Variants in GALNT13 observed in about 807,000 individuals in gnomAD.
GALNT13 encodes the protein UDP-GalNAc:polypeptide N-acetylgalactosaminyltransferase 13.
In GALNT13, 28 loss-of-function variants were observed where a neutral mutation model predicts 64.2. The observed-to-expected ratio is 0.44, with a 90% CI of 0.32 to 0.60. GALNT13 has a LOEUF of 0.60. Ranked by LOEUF, GALNT13 falls within the 20% of genes least tolerant of loss-of-function variation. GALNT13 has a pLI of 0.05. For synonymous variants in GALNT13, 214 were observed against 224.6 expected (o/e 0.95, Z 0.42); for missense variants, 577 against 669.8 (o/e 0.86, Z 1.53).
At chr2:154,231,091 C>G (rs1460899869) in intron 4 of GALNT13, among the ~76,000 whole-genome samples, 1 of 152,058 alleles carries the variant, frequency 6.6e-6, no homozygotes, top group Non-Finnish European at 1.5e-5. Context: ...AGCTTCACAT[C>G]ATTTGACTTG....
the GALNT13 span, among the ~76,000 whole-genome samples, chr2:153,793,009 T>C: frequency 1.3e-5 from 2 of 150,080 alleles, no homozygotes; most frequent in East Asian, 3.9e-4. Context: ...TCTCACTCTG[T>C]TGCCCAGGCT....
chr2:154,243,577 AAAT>A lies in GALNT13; in HGVS notation c.686+675_686+677del, dbSNP rs553827017. 2.1e-4 allele frequency among the ~76,000 whole-genome samples: 32 copies of A among 152,352 alleles called. No homozygotes were observed. In the East Asian group the frequency reaches 6.2e-3, roughly 29 times the overall value. ...CATTTTGAAATCTGGAAAATTGAAT[AAAT>A]AACACTTATAGAAATTAAGAATCCT... On this transcript the variant is annotated intron_variant, in intron 6 of 12. Coordinates refer to ENST00000392825, the MANE Select transcript of GALNT13 (RefSeq NM_052917.4).
rs775889873 is a variant in GALNT13 at position 154,225,856 on chromosome 2, GCTGT to G, written c.312-16167_312-16164del. 2.0e-5 allele frequency among the ~76,000 whole-genome samples: 3 copies of G among 152,122 alleles called. No individual in the cohort carries two copies. In the South Asian group the frequency reaches 6.2e-4, roughly 32 times the overall value. On this transcript the variant is annotated intron_variant, in intron 4 of 12. Coordinates refer to ENST00000392825, the MANE Select transcript of GALNT13 (RefSeq NM_052917.4). ...CACTGAGTGGGGAAACACAACAAAG[GCTGT>G]CTGTCTAGATTTTTACCTCTCTGTG... is the stretch of plus-strand genomic sequence containing the variant.
the GALNT13 span, among the ~76,000 whole-genome samples, chr2:153,400,128 G>T: frequency 6.6e-6 from 1 of 151,952 alleles, no homozygotes; most frequent in Non-Finnish European, 1.5e-5. Context: ...AGAGTTTTTA[G>T]CATGAATGGT....
At chr2:153,679,737 C>G in the GALNT13 span, among the ~76,000 whole-genome samples, 1 of 151,754 alleles carries the variant, frequency 6.6e-6, no homozygotes, top group Non-Finnish European at 1.5e-5. Context: ...TAATTTAGAC[C>G]TCAACAAATT....
At chr2:154,154,738 T>C (rs1684297336) in intron 4 of GALNT13, among the ~76,000 whole-genome samples, 1 of 152,160 alleles carries the variant, frequency 6.6e-6, no homozygotes, top group South Asian at 2.1e-4. Flanking sequence ...TTCAACTTTA[T>C]TTGTATGTGT....
At chr2:153,069,234 C>T in the GALNT13 span, among the ~76,000 whole-genome samples, 1,001 of 152,260 alleles carry the variant, frequency 6.6e-3, 6 homozygotes, top group African/African-American at 0.023. Context: ...CTGCATTTTT[C>T]CTTCTAGAAA....
At chr2:153,658,784 T>G in the GALNT13 span, among the ~76,000 whole-genome samples, 3 of 4,788 alleles carry the variant, frequency 6.3e-4, no homozygotes, top group African/African-American at 1.1e-3. Context: ...CTTTGCTTGC[T>G]TTTTTTTTTT....
chr2:153,197,680 T>A, the GALNT13 span, among the ~76,000 whole-genome samples: 8 of 152,100 alleles, frequency 5.3e-5, no homozygotes, highest in Admixed American at 2.0e-4. Context: ...AGGCAACGCG[T>A]GGGGAAACCC....
the GALNT13 span, among the ~76,000 whole-genome samples, chr2:153,090,895 G>A: frequency 6.6e-6 from 1 of 152,138 alleles, no homozygotes; most frequent in Non-Finnish European, 1.5e-5. Flanking sequence ...CCAGGAAAGT[G>A]GGGGATAGCT....
chr2:153,235,685 T>C, the GALNT13 span, among the ~76,000 whole-genome samples: 1 of 152,148 alleles, frequency 6.6e-6, no homozygotes, highest in Non-Finnish European at 1.5e-5. Flanking sequence ...TGCTAAAGGA[T>C]GGTCTAACCA....
chr2:153,358,497 A>G, the GALNT13 span, among the ~76,000 whole-genome samples: 3 of 152,198 alleles, frequency 2.0e-5, no homozygotes, highest in Admixed American at 1.3e-4. Flanking sequence ...ACCTGCACCA[A>G]TGAAGAATTT....
At chr2:154,265,504 G>A (rs1263243970) in intron 8 of GALNT13, among the ~76,000 whole-genome samples, 1 of 151,994 alleles carries the variant, frequency 6.6e-6, no homozygotes, top group East Asian at 1.9e-4. Flanking sequence ...TTGGAGAACA[G>A]CCTAGCCAAC....
At chr2:153,925,465 A>G (rs1166256348) in intron 2 of GALNT13, among the ~76,000 whole-genome samples, 1 of 141,450 alleles carries the variant, frequency 7.1e-6, no homozygotes, top group Non-Finnish European at 1.5e-5. Context: ...GCTGTATAGT[A>G]TAGTTTGGCA....
At chr2:153,206,053 G>A in the GALNT13 span, among the ~76,000 whole-genome samples, 21 of 150,130 alleles carry the variant, frequency 1.4e-4, no homozygotes, top group Non-Finnish European at 2.8e-4. Context: ...CATTGACTAG[G>A]AAAATGAAAA....
intron 3 of GALNT13, among the ~76,000 whole-genome samples, chr2:153,957,386 A>G (rs1004046625): frequency 1.3e-5 from 2 of 152,244 alleles, no homozygotes; most frequent in African/African-American, 4.8e-5. Flanking sequence ...CAGTGGAGTC[A>G]CTGAAGAAAA....
chr2:153,716,458 T>C, the GALNT13 span, among the ~76,000 whole-genome samples: 1 of 152,046 alleles, frequency 6.6e-6, no homozygotes, highest in African/African-American at 2.4e-5. Context: ...AAACCAAAGA[T>C]TGGACACCCC....
the GALNT13 span, among the ~76,000 whole-genome samples, chr2:153,747,098 T>C: frequency 5.8e-3 from 884 of 152,222 alleles, 7 homozygotes; most frequent in Non-Finnish European, 8.8e-3. Context: ...ATAGTAGGTA[T>C]ATATATTTAT....
At chr2:154,424,286 T>C (rs1485101707) in intron 11 of GALNT13, among the ~76,000 whole-genome samples, 1 of 152,156 alleles carries the variant, frequency 6.6e-6, no homozygotes, top group Non-Finnish European at 1.5e-5. Context: ...TGACAGACCA[T>C]AGTTCAAACA....
Sources: gnomAD v4.1 joint callset for allele counts (sites outside exome capture counted in the v4.1 genomes callset) on GRCh38, gnomAD v4.1.1 for gene constraint, MANE v1.5 for transcripts, NCBI Gene and HGNC (gene_info 2026-07-23, HGNC 2026-07-21) for gene names.